ANOS1: variants seen among roughly 807,000 people sequenced by gnomAD.
The protein encoded by ANOS1 is anosmin-1.
In ANOS1, 6 loss-of-function variants were observed where a neutral mutation model predicts 59.0. The observed-to-expected ratio is 0.10, with a 90% CI of 0.06 to 0.20. The LOEUF is 0.20. Among genes scored for constraint, ANOS1 ranks in the 10% least tolerant of loss-of-function variants. The pLI is 1.00. For synonymous variants in ANOS1, 217 were observed against 223.4 expected (o/e 0.97, Z 0.25); for missense variants, 433 against 542.3 (o/e 0.80, Z 2.00).
intron 6 of ANOS1, among the ~76,000 whole-genome samples, chrX:8,578,851 A>G (rs1274364282): frequency 1.8e-5 from 2 of 112,136 alleles, no homozygotes; most frequent in East Asian, 5.6e-4. Flanking sequence ...CAACATATCA[A>G]AAAAAATGAA....
At chrX:8,551,837 G>T (rs937175599) in intron 9 of ANOS1, among the ~76,000 whole-genome samples, 1 of 111,991 alleles carries the variant, frequency 8.9e-6, no homozygotes, top group African/African-American at 3.2e-5. Flanking sequence ...GCTGGGCATG[G>T]TGGCACACGC....
Position 8,539,728 on chromosome X carries a change from C to A in ANOS1, c.1385G>T (p.Trp462Leu). 8.3e-7 allele frequency: 1 copy of A among 1,211,335 alleles called. No homozygotes were observed. The highest frequency in any genetic ancestry group is 1.1e-6 in the Non-Finnish European group (1 of 895,498). ...GTTGTGGGCACACGCTTCAGGAAAC[C>A]ACCGCACATGATATCGGTTGACAGT... Reference protein sequence around the residue: ...DPTVNRYHVRWFPEACAHNRT... With the variant: ...DPTVNRYHVRLFPEACAHNRT... Residue 462 changes from tryptophan (W) to leucine (L), a missense_variant, in exon 10 of 14, where the codon TGG becomes TTG. Trp to Leu is a moderately conservative substitution (Grantham distance 61, BLOSUM62 -2). Transcript: ENST00000262648.
chrX:8,729,040 T>C (rs985216347), intron 1 of ANOS1, among the ~76,000 whole-genome samples: 1 of 112,378 alleles, frequency 8.9e-6, no homozygotes, highest in African/African-American at 3.2e-5. Context: ...CAGCTTCCTC[T>C]GCAGGCCGAC....
intron 5 of ANOS1, among the ~76,000 whole-genome samples, chrX:8,587,265 A>C (rs1304254293): frequency 1.8e-5 from 2 of 111,442 alleles, no homozygotes; most frequent in Admixed American, 9.6e-5. Flanking sequence ...GTGGTATATC[A>C]GTTTTTAAGT....
intron 9 of ANOS1, among the ~76,000 whole-genome samples, chrX:8,540,817 G>T (rs2146789539): frequency 9.0e-6 from 1 of 110,626 alleles, no homozygotes; most frequent in Non-Finnish European, 1.9e-5. Flanking sequence ...AGATATAAAA[G>T]TGGGCACTCC....
chrX:8,531,594 G>A lies in ANOS1; in HGVS notation c.*1401C>T, dbSNP rs1175942202. The A allele has an allele frequency of 3.6e-5, 4 of 111,529 alleles. No individual in the cohort carries two copies. Among genetic ancestry groups the A allele is most frequent in the African/African-American group, 6.5e-5 (2 of 30,680 alleles). 9.2% of individuals were successfully genotyped at this position (111,529 alleles called of 1,213,427 possible). A position where few individuals can be genotyped will look rare whatever the true frequency, so the allele number is the denominator to read the frequency against. On this transcript the variant is annotated 3_prime_UTR_variant, in exon 14 of 14. Coordinates refer to ENST00000262648, the MANE Select transcript of ANOS1 (RefSeq NM_000216.4). The stretch of plus-strand genomic sequence containing the variant: ...TATATTATCCTTATGACCTTTAAAA[G>A]AGCTGTATCTTTACTCACCATTGGT...
chrX:8,601,593 A>G (rs1930843924), intron 3 of ANOS1, among the ~76,000 whole-genome samples: 1 of 112,180 alleles, frequency 8.9e-6, no homozygotes, highest in African/African-American at 3.2e-5. Flanking sequence ...AACAATTTAG[A>G]TCTTTCAGTT....
chrX:8,684,710 A>C (rs1932478665), intron 2 of ANOS1, among the ~76,000 whole-genome samples: 1 of 109,098 alleles, frequency 9.2e-6, no homozygotes, highest in South Asian at 4.1e-4. Context: ...ACACGAAAGC[A>C]TGAATCTTCA....
chrX:8,696,800 T>G (rs935399775), intron 2 of ANOS1, among the ~76,000 whole-genome samples: 2 of 112,391 alleles, frequency 1.8e-5, no homozygotes, highest in Non-Finnish European at 3.8e-5. Flanking sequence ...CACTCCCAAC[T>G]GTGACAATCA....
chrX:8,704,768 A>C (rs754772347), intron 1 of ANOS1, among the ~76,000 whole-genome samples: 1 of 111,826 alleles, frequency 8.9e-6, no homozygotes, highest in South Asian at 3.7e-4. Context: ...TGTTTGGCTC[A>C]GGATTTTTAA....
intron 2 of ANOS1, among the ~76,000 whole-genome samples, chrX:8,683,459 CAGA>C (rs1026660008): frequency 9.0e-6 from 1 of 110,667 alleles, no homozygotes; most frequent in African/African-American, 3.3e-5. Flanking sequence ...ACTCAAACGG[CAGA>C]AGATGTCCAT....
chrX:8,543,831 T>G (rs938939545), intron 9 of ANOS1, among the ~76,000 whole-genome samples: 1 of 110,746 alleles, frequency 9.0e-6, no homozygotes, highest in African/African-American at 3.3e-5. Flanking sequence ...GCCATTGCAC[T>G]CCAGCCTGGG....
chrX:8,682,354 C>CCACACACACACA (rs757532758), intron 2 of ANOS1, among the ~76,000 whole-genome samples: 15 of 101,626 alleles, frequency 1.5e-4, no homozygotes, highest in African/African-American at 4.4e-4. Flanking sequence ...GAGAATTTCA[C>CCACACACACACA]CACACACACA....
At chrX:8,570,761 C>T in intron 6 of ANOS1, 57 bp from the exon 7 acceptor site, 1 of 1,031,300 alleles carries the variant, frequency 9.7e-7, no homozygotes, top group Non-Finnish European at 1.4e-6. Flanking sequence ...CATCTTTGGA[C>T]ATGTAATGAC....
At chrX:8,702,087 C>A (rs2146900223) in intron 1 of ANOS1, among the ~76,000 whole-genome samples, 1 of 111,354 alleles carries the variant, frequency 9.0e-6, no homozygotes, top group East Asian at 2.8e-4. Context: ...CTACCTACCA[C>A]CTACTGAGTT....
At chrX:8,682,931 T>G (rs1016158737) in intron 2 of ANOS1, among the ~76,000 whole-genome samples, 2 of 111,564 alleles carry the variant, frequency 1.8e-5, no homozygotes, top group Non-Finnish European at 3.8e-5. Flanking sequence ...CGGACCATCA[T>G]CTACTGGAAT....
At position 8,625,415 on chromosome X, in the gene ANOS1, A is replaced by G. The variant is rs191533118; in HGVS notation, c.256-1745T>C. Reference sequence around the variant, plus strand: ...TTTTCAAATGACAGTAGAAATTCTCAGTTAAATTTCAGATATGTATAATGT... The same window carrying G: ...TTTTCAAATGACAGTAGAAATTCTCGGTTAAATTTCAGATATGTATAATGT... On this transcript the variant is annotated intron_variant, in intron 2 of 13. Transcript: ENST00000262648. 9.3e-4 allele frequency among the ~76,000 whole-genome samples: 104 copies of G among 112,075 alleles called. No individual in the cohort carries two copies. In the East Asian group the frequency reaches 0.023, roughly 25 times the overall value.
chrX:8,547,490 C>G (rs777466022), intron 9 of ANOS1, among the ~76,000 whole-genome samples: 14 of 112,066 alleles, frequency 1.2e-4, no homozygotes, highest in Non-Finnish European at 2.4e-4. Context: ...CTCTCAACTA[C>G]TTCAGCTGTT....
At chrX:8,644,752 T>C (rs886495765) in intron 2 of ANOS1, among the ~76,000 whole-genome samples, 1 of 112,361 alleles carries the variant, frequency 8.9e-6, no homozygotes, top group African/African-American at 3.2e-5. Flanking sequence ...CAAGCATTTC[T>C]TTCTGCTGAC....
Sources: allele counts gnomAD v4.1 joint callset (sites outside exome capture counted in the v4.1 genomes callset), GRCh38; gene constraint gnomAD v4.1.1; transcripts MANE v1.5; gene names NCBI Gene and HGNC (gene_info 2026-07-23, HGNC 2026-07-21).